Variants in NOX4 observed in about 807,000 individuals in gnomAD.
The protein encoded by NOX4 is kidney oxidase-1.
Under a neutral mutation model 87.6 loss-of-function variants are expected in NOX4, and 69 were observed. That is an observed-to-expected ratio of 0.79 (90% CI 0.65 to 0.96). The LOEUF is 0.96. NOX4 is among the 40% of genes least tolerant of loss of function. The pLI is 0.00. For missense variants in NOX4, 680 were observed against 681.5 expected, an observed-to-expected ratio of 1.00 and a Z score of 0.02; for synonymous variants, 275 against 238.2, an observed-to-expected ratio of 1.15 and a Z score of -1.42.
At chr11:89,373,589 T>G (rs971818198) in intron 11 of NOX4, 97 bp from the exon 12 acceptor site, 2 of 775,664 alleles carry the variant, frequency 2.6e-6, no homozygotes, top group Non-Finnish European at 4.5e-6. Flanking sequence ...GTCCCCCATA[T>G]CAATAGATAA....
chr11:89,372,018 C>T (rs184270660), intron 12 of NOX4, among the ~76,000 whole-genome samples: 1 of 151,792 alleles, frequency 6.6e-6, no homozygotes, highest in East Asian at 1.9e-4. Flanking sequence ...TATGAAATAA[C>T]CTCCTTATAT....
chr11:89,423,177 C>G (rs890680954), intron 7 of NOX4, among the ~76,000 whole-genome samples: 1 of 152,074 alleles, frequency 6.6e-6, no homozygotes, highest in Non-Finnish European at 1.5e-5. Flanking sequence ...GCTTTTAATA[C>G]ACGCTGCCAA....
intron 12 of NOX4, among the ~76,000 whole-genome samples, chr11:89,366,642 CAT>C (rs1939014006): frequency 1.3e-5 from 2 of 148,586 alleles, no homozygotes; most frequent in Admixed American, 6.8e-5. Context: ...GAGCCATGAC[CAT>C]ATCACTGCAC....
chr11:89,504,859 T>G, the NOX4 span, among the ~76,000 whole-genome samples: 1 of 152,076 alleles, frequency 6.6e-6, no homozygotes, highest in Non-Finnish European at 1.5e-5. Context: ...GTGCCAAAAT[T>G]CCTTGACTTT....
At chr11:89,525,388 A>T in the NOX4 span, among the ~76,000 whole-genome samples, 9 of 152,154 alleles carry the variant, frequency 5.9e-5, no homozygotes, top group Admixed American at 3.9e-4. Flanking sequence ...ATTTGGTATT[A>T]TTATTTTTTT....
chr11:89,490,045 G>C (rs921242577), intron 2 of NOX4, among the ~76,000 whole-genome samples: 6 of 152,160 alleles, frequency 3.9e-5, no homozygotes, highest in Admixed American at 3.9e-4. Context: ...AGAGTTGTCA[G>C]TAAAAACAAA....
chr11:89,347,249 C>A (rs1177775579), intron 13 of NOX4, among the ~76,000 whole-genome samples: 1 of 152,166 alleles, frequency 6.6e-6, no homozygotes, highest in Non-Finnish European at 1.5e-5. Flanking sequence ...CAGAGCATAT[C>A]ACCCAGAGCC....
intron 14 of NOX4, among the ~76,000 whole-genome samples, chr11:89,341,085 T>C (rs1213414112): frequency 6.6e-6 from 1 of 151,432 alleles, no homozygotes; most frequent in Non-Finnish European, 1.5e-5. Flanking sequence ...GAAACTAAAA[T>C]AAGTTTTAGT....
chr11:89,549,666 G>C, the NOX4 span, among the ~76,000 whole-genome samples: 3 of 152,212 alleles, frequency 2.0e-5, no homozygotes, highest in African/African-American at 7.2e-5. Flanking sequence ...ACAGGCCCCA[G>C]TGTGTGATGT....
chr11:89,465,667 A>C (rs494021), intron 2 of NOX4, among the ~76,000 whole-genome samples: 98,174 of 152,010 alleles, frequency 0.65, 33,639 homozygotes, highest in African/African-American at 0.89. Context: ...TTAATGATTG[A>C]CATTCTAACT....
At chr11:89,551,586 T>C in the NOX4 span, among the ~76,000 whole-genome samples, 1 of 152,198 alleles carries the variant, frequency 6.6e-6, no homozygotes, top group Admixed American at 6.5e-5. Context: ...AGTTCACACA[T>C]GATTTGGCTC....
chr11:89,415,432 T>C (rs1395374777), intron 8 of NOX4, among the ~76,000 whole-genome samples: 1 of 152,228 alleles, frequency 6.6e-6, no homozygotes, highest in African/African-American at 2.4e-5. Context: ...AATGTGTCAA[T>C]GTGATATTAG....
chr11:89,556,102 C>G, the NOX4 span, among the ~76,000 whole-genome samples: 1 of 152,144 alleles, frequency 6.6e-6, no homozygotes, highest in Non-Finnish European at 1.5e-5. Flanking sequence ...CTCTAATCAA[C>G]TAATTGTTGC....
Position 89,438,506 on chromosome 11 carries a change from T to TA in NOX4, c.475+2181dup, listed in dbSNP as rs1419653914. 6.2e-3 allele frequency among the ~76,000 whole-genome samples: 540 copies of TA among 87,140 alleles called. 29 individuals are homozygous for TA. The highest frequency in any genetic ancestry group is 0.03 in the African/African-American group (502 of 16,780). 57.2% of individuals were successfully genotyped at this position (87,140 alleles called of 152,430 possible). On this transcript the variant is annotated intron_variant, in intron 6 of 17. Coordinates refer to ENST00000263317, the MANE Select transcript of NOX4 (RefSeq NM_016931.5). ...TATACTATATAATATACAGCATATATATTATATACTATATATACTATATAT... is the reference window on the plus strand; with the variant it reads ...TATACTATATAATATACAGCATATATAATTATATACTATATATACTATATAT...
chr11:89,409,738 T>TA (rs879309604), intron 8 of NOX4, among the ~76,000 whole-genome samples: 2 of 152,040 alleles, frequency 1.3e-5, no homozygotes, highest in East Asian at 3.9e-4. Context: ...GATATAAAGT[T>TA]AAAAAAACTT....
rs1357673348 is a variant in NOX4 at position 89,373,502 on chromosome 11, A to C, written c.1075-10T>G. 2.0e-6 allele frequency: 3 copies of C among 1,517,590 alleles called. No individual in the cohort carries two copies. The highest frequency in any genetic ancestry group is 2.7e-6 in the Non-Finnish European group (3 of 1,094,340). The allele number at this position is 1,517,590 out of a possible 1,614,324, so 94.0% of individuals were successfully genotyped here. A position where few individuals can be genotyped will look rare whatever the true frequency, so the allele number is the denominator to read the frequency against. ...TGGTTTCAGTTGGACACTAAAAAAA[A>C]ATACTAGAATCAATTGTGATTAATA... On this transcript the variant is annotated splice_polypyrimidine_tract_variant and intron_variant, in intron 11 of 17. Coordinates refer to ENST00000263317, the MANE Select transcript of NOX4 (RefSeq NM_016931.5).
At chr11:89,400,191 A>G (rs1483373268) in intron 10 of NOX4, 24 bp downstream of exon 10, 1 of 1,606,194 alleles carries the variant, frequency 6.2e-7, no homozygotes, top group South Asian at 1.1e-5. Flanking sequence ...AGGCTATTTA[A>G]AAAGTTGCTG....
At chr11:89,393,543 T>C (rs2135146503) in intron 11 of NOX4, among the ~76,000 whole-genome samples, 1 of 152,264 alleles carries the variant, frequency 6.6e-6, no homozygotes, top group Non-Finnish European at 1.5e-5. Context: ...CATGCTCATG[T>C]CTTGTACTTG....
intron 8 of NOX4, among the ~76,000 whole-genome samples, chr11:89,410,505 A>G (rs1332784815): frequency 6.6e-6 from 1 of 152,190 alleles, no homozygotes; most frequent in Non-Finnish European, 1.5e-5. Flanking sequence ...CCCCAGAACC[A>G]CTATAGTTTA....
Sources: gnomAD v4.1 joint callset for allele counts (sites outside exome capture counted in the v4.1 genomes callset) on GRCh38, gnomAD v4.1.1 for gene constraint, MANE v1.5 for transcripts, NCBI Gene and HGNC (gene_info 2026-07-23, HGNC 2026-07-21) for gene names.